Variants in AGPS observed in about 807,000 individuals in gnomAD.
AGPS encodes alkyldihydroxyacetonephosphate synthase, peroxisomal.
Under a neutral mutation model 90.7 loss-of-function variants are expected in AGPS, and 26 were observed. The observed-to-expected ratio is 0.29, with a 90% CI of 0.21 to 0.40. AGPS has a LOEUF of 0.40. Among genes scored for constraint, AGPS ranks in the 10% least tolerant of loss-of-function variants. AGPS has a pLI of 1.00. For synonymous variants in AGPS, 294 were observed against 285.3 expected (o/e 1.03, Z -0.31); for missense variants, 540 against 816.1 (o/e 0.66, Z 4.12).
intron 6 of AGPS, 84 bp downstream of exon 6, chr2:177,441,120 T>A: frequency 8.7e-7 from 1 of 1,153,336 alleles, no homozygotes; most frequent in Non-Finnish European, 1.3e-6. Context: ...GTCACCCTAC[T>A]GAAAACAAAC....
At chr2:177,453,591 C>T (rs1432459518) in intron 8 of AGPS, among the ~76,000 whole-genome samples, 1 of 151,306 alleles carries the variant, frequency 6.6e-6, no homozygotes, top group Non-Finnish European at 1.5e-5. Flanking sequence ...CTTTACGACA[C>T]TTAACTTAAA....
At chr2:177,421,733 G>A (rs191543585) in intron 2 of AGPS, among the ~76,000 whole-genome samples, 5 of 152,150 alleles carry the variant, frequency 3.3e-5, no homozygotes, top group Admixed American at 3.3e-4. Flanking sequence ...ATAGAATAAT[G>A]CCTAATACAA....
At chr2:177,410,113 G>A (rs1574345387) in intron 1 of AGPS, among the ~76,000 whole-genome samples, 1 of 152,242 alleles carries the variant, frequency 6.6e-6, no homozygotes, top group East Asian at 1.9e-4. Flanking sequence ...TCCTCATGAG[G>A]GTCCCCATTC....
At chr2:177,481,943 A>C in intron 10 of AGPS, 116 bp from the exon 11 acceptor site, 1 of 984,174 alleles carries the variant, frequency 1.0e-6, no homozygotes. Flanking sequence ...TTCCCCAGGT[A>C]GACTTGATAA....
chr2:177,447,062 A>G (rs1686797599), intron 8 of AGPS, among the ~76,000 whole-genome samples: 1 of 152,194 alleles, frequency 6.6e-6, no homozygotes, highest in African/African-American at 2.4e-5. Flanking sequence ...CAAAAATTAG[A>G]AAGTCCAATT....
chr2:177,436,904 C>G lies in AGPS; in HGVS notation c.562+20C>G. 6.2e-7 allele frequency: 1 copy of G among 1,611,406 alleles called. No homozygotes were observed. Among genetic ancestry groups the G allele is most frequent in the Non-Finnish European group, 8.5e-7 (1 of 1,178,316 alleles). ...CTCATGGTAAGTTACTTTATATTAGCCCTATTTATTTTTAACAAAAAAATT... is the reference window on the plus strand; with the variant it reads ...CTCATGGTAAGTTACTTTATATTAGGCCTATTTATTTTTAACAAAAAAATT... On this transcript the variant is annotated intron_variant, in intron 4 of 19. Transcript: ENST00000264167.
At chr2:177,402,583 A>G (rs1685358987) in intron 1 of AGPS, among the ~76,000 whole-genome samples, 1 of 152,032 alleles carries the variant, frequency 6.6e-6, no homozygotes, top group East Asian at 1.9e-4. Context: ...TTTACTTTTG[A>G]GAACTGGGGA....
chr2:177,425,592 G>A (rs1471958647), intron 2 of AGPS, among the ~76,000 whole-genome samples: 1 of 128,348 alleles, frequency 7.8e-6, no homozygotes, highest in Non-Finnish European at 1.6e-5. Flanking sequence ...TTGCACTCCA[G>A]CCTGGGCAAC....
chr2:177,430,958 T>C (rs1686225461), intron 2 of AGPS, among the ~76,000 whole-genome samples: 1 of 152,214 alleles, frequency 6.6e-6, no homozygotes, highest in Admixed American at 6.5e-5. Flanking sequence ...GGCATAATTT[T>C]TAATTGAAGC....
chr2:177,482,208 T>C (rs368906658), intron 11 of AGPS, 22 bp downstream of exon 11: 26 of 1,250,554 alleles, frequency 2.1e-5, no homozygotes, highest in African/African-American at 4.5e-5. Flanking sequence ...AATATATATA[T>C]ATACATACAT....
chr2:177,451,209 G>T (rs1686939476), intron 8 of AGPS, among the ~76,000 whole-genome samples: 1 of 151,694 alleles, frequency 6.6e-6, no homozygotes, highest in African/African-American at 2.4e-5. Flanking sequence ...TACCACCCTG[G>T]CCTCCCAAAG....
At chr2:177,406,775 A>G (rs1685478553) in intron 1 of AGPS, among the ~76,000 whole-genome samples, 1 of 152,222 alleles carries the variant, frequency 6.6e-6, no homozygotes, top group Non-Finnish European at 1.5e-5. Context: ...TTTGGCATTC[A>G]AGGCTTTCAG....
At chr2:177,492,481 A>G (rs561115627) in intron 11 of AGPS, among the ~76,000 whole-genome samples, 1 of 152,214 alleles carries the variant, frequency 6.6e-6, no homozygotes, top group Non-Finnish European at 1.5e-5. Context: ...CAACCCAACT[A>G]CAAAGATACT....
chr2:177,501,570 G>C (rs989714689), intron 14 of AGPS, among the ~76,000 whole-genome samples: 20 of 152,082 alleles, frequency 1.3e-4, no homozygotes, highest in Admixed American at 1.3e-3. Flanking sequence ...ATTCTACTTT[G>C]TTTATGCCTA....
chr2:177,430,099 T>A (rs1686195515), intron 2 of AGPS, among the ~76,000 whole-genome samples: 1 of 152,148 alleles, frequency 6.6e-6, no homozygotes, highest in African/African-American at 2.4e-5. Context: ...TGTGTTGCAT[T>A]GTGTGGGATT....
intron 8 of AGPS, among the ~76,000 whole-genome samples, chr2:177,451,180 C>CA (rs1260190742): frequency 2.0e-5 from 3 of 151,770 alleles, no homozygotes; most frequent in African/African-American, 4.8e-5. Flanking sequence ...AGACTGGTCT[C>CA]AAACTTCTCG....
chr2:177,456,390 G>A (rs1687110678), intron 8 of AGPS, among the ~76,000 whole-genome samples: 1 of 152,132 alleles, frequency 6.6e-6, no homozygotes, highest in Non-Finnish European at 1.5e-5. Context: ...GCATATTGTG[G>A]TATACTGCGG....
chr2:177,406,454 A>G (rs964835995), intron 1 of AGPS, among the ~76,000 whole-genome samples: 3 of 152,222 alleles, frequency 2.0e-5, no homozygotes, highest in East Asian at 3.8e-4. Context: ...TATAGAAGTG[A>G]CTTTTAGACT....
chr2:177,488,796 A>G (rs1372260306), intron 11 of AGPS, among the ~76,000 whole-genome samples: 3 of 152,208 alleles, frequency 2.0e-5, no homozygotes, highest in Non-Finnish European at 4.4e-5. Flanking sequence ...TTGAGGAAAC[A>G]AATGTTTTCA....
Sources: gnomAD v4.1 joint callset for allele counts (sites outside exome capture counted in the v4.1 genomes callset) on GRCh38, gnomAD v4.1.1 for gene constraint, MANE v1.5 for transcripts, NCBI Gene and HGNC (gene_info 2026-07-23, HGNC 2026-07-21) for gene names.